The following PCDHA9 variants were observed in gnomAD, a reference collection of about 807,000 sequenced individuals.
The protein encoded by PCDHA9 is protocadherin alpha 9.
A neutral mutation model predicts 62.0 loss-of-function variants in PCDHA9; 62 were observed. The observed-to-expected ratio is 1.00, with a 90% CI of 0.81 to 1.23. The LOEUF (loss-of-function observed/expected upper bound fraction) is 1.23. PCDHA9 is among the 50% of genes most tolerant of loss of function. The probability of loss-of-function intolerance (pLI) is 0.00; values close to 1 mark genes in which losing one functional copy is unlikely to be tolerated. For missense variants in PCDHA9, 1,205 were observed against 1,249.8 expected, an observed-to-expected ratio of 0.96 and a Z score of 0.54; for synonymous variants, 557 against 567.6, an observed-to-expected ratio of 0.98 and a Z score of 0.27.
intron 1 of PCDHA9, chr5:140,863,191 G>A: frequency 1.2e-6 from 1 of 802,224 alleles, no homozygotes; most frequent in Non-Finnish European, 2.1e-6. Flanking sequence ...CACCGTGGTG[G>A]CGTCGCTGGC....
At chr5:140,985,938 A>G (rs960910585) in intron 3 of PCDHA9, among the ~76,000 whole-genome samples, 8 of 151,748 alleles carry the variant, frequency 5.3e-5, no homozygotes, top group Non-Finnish European at 8.8e-5. Context: ...CCGGGGTTTC[A>G]CTGTGTTAGC....
rs1191486729 is a variant in PCDHA9, at chr5:140,850,703, G to A, written c.2208G>A (p.Lys736=). The change falls in exon 1 of 4, where the codon AAG becomes AAA. Residue 736 remains lysine, a synonymous_variant. Transcript: ENST00000532602. ...CCGAGGGCGAGTGCGCGCCTGGCAAGCCGACGCTGGTGTGTTCTAGCGCGG... is the reference window on the plus strand; with the variant it reads ...CCGAGGGCGAGTGCGCGCCTGGCAAACCGACGCTGGTGTGTTCTAGCGCGG... ...MPTEGECAPG[K]PTLVCSSAVG... The A allele has an allele frequency of 1.3e-6, 2 of 1,598,114 alleles. No homozygotes were observed. The highest frequency in any genetic ancestry group is 2.7e-5 in the African/African-American group (2 of 74,270).
intron 1 of PCDHA9, chr5:140,967,260 C>G: frequency 6.2e-7 from 1 of 1,613,500 alleles, no homozygotes; most frequent in Non-Finnish European, 8.5e-7. Flanking sequence ...GCGCCTGGAG[C>G]GCGCTTTCAC....
rs782590821 is a variant in PCDHA9 at position 140,929,251 on chromosome 5, G to T, written c.2395-49698G>T. On this transcript the variant is annotated intron_variant, in intron 1 of 3. Transcript: ENST00000532602. ...CGACCTGCGAAATCTTGCCACTGGG[G>T]TAGGACTGAATTTGCCAATATCCTG... The T allele has an allele frequency of 3.1e-6, 5 of 1,613,416 alleles. No homozygotes were observed. Among genetic ancestry groups the T allele is most frequent in the African/African-American group, 1.3e-5 (1 of 74,908 alleles).
rs147581214 is a variant in PCDHA9, at chr5:140,857,154, C to G, written c.2394+6265C>G. 87 of 1,598,228 alleles carry G rather than the reference C, an allele frequency of 5.4e-5. 8 individuals carry two copies. Among genetic ancestry groups the G allele is most frequent in the Non-Finnish European group, 7.1e-5 (83 of 1,167,802 alleles). On this transcript the variant is annotated intron_variant, in intron 1 of 3. Coordinates refer to ENST00000532602, the MANE Select transcript of PCDHA9 (RefSeq NM_031857.2). ...GATGCTCAAGTGGGCACCGTCATTG[C>G]CCTAATCAGCGTTTCTGACCATGAT...
chr5:141,009,760 A>T lies in PCDHA9; in HGVS notation c.2676A>T (p.Gly892=), dbSNP rs782167920. The change falls in exon 4 of 4, where the codon GGA becomes GGT. Residue 892 remains glycine, a synonymous_variant. Transcript: ENST00000532602. ...TGCCCGACAAATTCATTATCCCAGG[A>T]TCTCCTGCAATCATCTCCATCCGGC... ...GELPDKFIIP[G]SPAIISIRQE... is the part of the protein sequence containing the mutation. 1.9e-6 allele frequency: 3 copies of T among 1,614,130 alleles called. No individual in the cohort carries two copies. Among genetic ancestry groups the T allele is most frequent in the Admixed American group, 3.3e-5 (2 of 60,020 alleles).
intron 1 of PCDHA9, chr5:140,927,113 A>G (rs782135853): frequency 1.9e-6 from 3 of 1,613,684 alleles, no homozygotes; most frequent in African/African-American, 1.3e-5. Context: ...CCCAGCGGCA[A>G]TTTGGTGGTC....
At chr5:140,886,288 A>G (rs1227734409) in intron 1 of PCDHA9, among the ~76,000 whole-genome samples, 4 of 151,870 alleles carry the variant, frequency 2.6e-5, no homozygotes, top group Middle Eastern at 3.2e-3. Flanking sequence ...AATTATTTTT[A>G]TATTTATTTA....
chr5:140,982,373 T>C, intron 2 of PCDHA9, 102 bp from the exon 3 acceptor site: 1 of 1,559,640 alleles, frequency 6.4e-7, no homozygotes, highest in Non-Finnish European at 8.7e-7. Context: ...ATGTGTTAGC[T>C]GCAGCCCTGG....
At chr5:140,921,726 A>C (rs1278671755) in intron 1 of PCDHA9, among the ~76,000 whole-genome samples, 1 of 152,170 alleles carries the variant, frequency 6.6e-6, no homozygotes, top group East Asian at 1.9e-4. Flanking sequence ...AATTACTCCC[A>C]TAAAAATTAT....
intron 1 of PCDHA9, among the ~76,000 whole-genome samples, chr5:140,874,484 G>A (rs1438670057): frequency 6.6e-6 from 1 of 152,190 alleles, no homozygotes; most frequent in African/African-American, 2.4e-5. Context: ...AAAGCAAAAG[G>A]TTGATATCAA....
Position 140,850,180 on chromosome 5 carries a change from C to G in PCDHA9, c.1685C>G (p.Ala562Gly). ...QVFVLDENDN[A>G]PALLTPRMRG... ...TTCGTGCTGGACGAGAACGACAATGCGCCGGCGCTGCTGACACCTCGGATG... is the reference window on the plus strand; with the variant it reads ...TTCGTGCTGGACGAGAACGACAATGGGCCGGCGCTGCTGACACCTCGGATG... Residue 562 changes from alanine to glycine, a missense_variant, in exon 1 of 4, where the codon GCG (alanine) becomes GGG (glycine). Transcript: ENST00000532602. 6.3e-7 allele frequency: 1 copy of G among 1,593,798 alleles called. No homozygotes were observed. Among genetic ancestry groups the G allele is most frequent in the African/African-American group, 1.3e-5 (1 of 74,436 alleles).
rs1554151079 is a variant in PCDHA9 at position 140,858,031 on chromosome 5, G to T, written c.2394+7142G>T. 1.2e-5 allele frequency: 19 copies of T among 1,597,102 alleles called. 3 individuals are homozygous for T. The highest frequency in any genetic ancestry group is 1.5e-5 in the Non-Finnish European group (17 of 1,167,242). On this transcript the variant is annotated intron_variant, in intron 1 of 3. Coordinates refer to ENST00000532602, the MANE Select transcript of PCDHA9 (RefSeq NM_031857.2). ...ATGGCGAGCCGTCGCTGACGGCCACGGCCACTGTGCTTGTGTCGCTTGTGG... is the reference window on the plus strand; with the variant it reads ...ATGGCGAGCCGTCGCTGACGGCCACTGCCACTGTGCTTGTGTCGCTTGTGG...
chr5:140,902,859 A>G (rs964505072), intron 1 of PCDHA9, among the ~76,000 whole-genome samples: 18 of 152,208 alleles, frequency 1.2e-4, no homozygotes, highest in African/African-American at 4.3e-4. Context: ...AATGGCGTCC[A>G]GGTCCACCCA....
intron 1 of PCDHA9, chr5:140,856,888 TA>T (rs782463832): frequency 1.3e-6 from 2 of 1,596,688 alleles, no homozygotes; most frequent in Non-Finnish European, 1.7e-6. Context: ...TGTATTCATT[TA>T]GCTCTTTGGT....
At chr5:140,967,066 C>A (rs782715200) in intron 1 of PCDHA9, 2 of 1,612,908 alleles carry the variant, frequency 1.2e-6, no homozygotes, top group Non-Finnish European at 1.7e-6. Context: ...GAGCGCTCTT[C>A]GTCAACGAGC....
At position 141,010,070 on chromosome 5, in the gene PCDHA9, C is replaced by A. The variant is rs1331011642; in HGVS notation, c.*133C>A. The A allele has an allele frequency of 3.7e-5, 60 of 1,605,422 alleles. No individual in the cohort carries two copies. Among genetic ancestry groups the A allele is most frequent in the Non-Finnish European group, 5.0e-5 (59 of 1,175,768 alleles). ...AGACCTCAGAAATCTGCAGAAAGTT[C>A]CCTGTGTCTGTCTAGAACGCATTTA... is the stretch of plus-strand genomic sequence containing the variant. On this transcript the variant is annotated 3_prime_UTR_variant, in exon 4 of 4. Coordinates refer to ENST00000532602, the MANE Select transcript of PCDHA9 (RefSeq NM_031857.2).
intron 1 of PCDHA9, chr5:140,861,365 G>T (rs2046879866): frequency 2.8e-6 from 1 of 359,244 alleles, no homozygotes; most frequent in Non-Finnish European, 5.7e-6. Context: ...GCGTCTTCGC[G>T]GTCCCTATTG....
intron 1 of PCDHA9, among the ~76,000 whole-genome samples, chr5:140,956,909 A>C (rs1395848380): frequency 2.0e-5 from 3 of 152,198 alleles, no homozygotes; most frequent in African/African-American, 7.2e-5. Context: ...TAAATGTATA[A>C]ACTTTAATCT....
Sources: gnomAD v4.1 joint callset for allele counts (sites outside exome capture counted in the v4.1 genomes callset) on GRCh38, gnomAD v4.1.1 for gene constraint, MANE v1.5 for transcripts, NCBI Gene and HGNC (gene_info 2026-07-23, HGNC 2026-07-21) for gene names.